Variants in CYP3A43 observed in about 807,000 individuals in gnomAD.
CYP3A43 encodes the protein cytochrome P450 family 3 subfamily A member 43.
A neutral mutation model predicts 58.0 loss-of-function variants in CYP3A43; 45 were observed. That is an observed-to-expected ratio of 0.78 (90% confidence interval 0.61 to 0.99). The LOEUF (loss-of-function observed/expected upper bound fraction) is 0.99, where lower values mean the gene tolerates loss of function less well. Ranked by LOEUF, CYP3A43 falls within the 50% of genes least tolerant of loss-of-function variation. The pLI, the probability that CYP3A43 is intolerant of heterozygous loss-of-function variation, is 0.00. For synonymous variants in CYP3A43, 191 were observed against 201.4 expected (o/e 0.95, Z 0.44); for missense variants, 593 against 591.9 (o/e 1.00, Z -0.02).
intron 8 of CYP3A43, 87 bp downstream of exon 8, chr7:99,855,805 G>GT (rs1205120890): frequency 7.1e-7 from 1 of 1,413,930 alleles, no homozygotes; most frequent in South Asian, 1.4e-5. Flanking sequence ...ACTTATCTGT[G>GT]TTTTTTAAAG....
Position 99,844,251 on chromosome 7 carries a change from A to G in CYP3A43, c.318+9A>G. On this transcript the variant is annotated intron_variant, in intron 4 of 12. Coordinates refer to ENST00000354829, the MANE Select transcript of CYP3A43 (RefSeq NM_057095.3). Reference sequence around the variant, plus strand: ...TCTTCACAAACCAGATGGTAGGCCTATATTTTCAAATGTATTAATCAAATT... The same window carrying G: ...TCTTCACAAACCAGATGGTAGGCCTGTATTTTCAAATGTATTAATCAAATT... The G allele has an allele frequency of 6.2e-7, 1 of 1,608,488 alleles. No homozygotes were observed. The highest frequency in any genetic ancestry group is 2.2e-5 in the East Asian group (1 of 44,862).
chr7:99,833,989 G>C (rs1242384305), intron 1 of CYP3A43, among the ~76,000 whole-genome samples: 1 of 152,178 alleles, frequency 6.6e-6, no homozygotes, highest in Non-Finnish European at 1.5e-5. Context: ...GTCTGAACTA[G>C]AACATGTGCC....
chr7:99,856,746 A>G, intron 8 of CYP3A43, 87 bp from the exon 9 acceptor site: 1 of 1,363,112 alleles, frequency 7.3e-7, no homozygotes, highest in Non-Finnish European at 1.0e-6. Context: ...GCATATTCTC[A>G]GGAGGGGTGC....
intron 8 of CYP3A43, among the ~76,000 whole-genome samples, chr7:99,856,337 T>C (rs908718799): frequency 6.6e-6 from 1 of 152,188 alleles, no homozygotes; most frequent in Non-Finnish European, 1.5e-5. Context: ...AATGCAGGAC[T>C]GGGTCCCCTA....
chr7:99,828,848 A>G (rs1220644480), intron 1 of CYP3A43, among the ~76,000 whole-genome samples: 1 of 152,154 alleles, frequency 6.6e-6, no homozygotes, highest in Non-Finnish European at 1.5e-5. Flanking sequence ...AAAGAATGCA[A>G]TTGTCTTGAG....
At chr7:99,841,745 G>A (rs1201780121) in intron 3 of CYP3A43, among the ~76,000 whole-genome samples, 1 of 152,010 alleles carries the variant, frequency 6.6e-6, no homozygotes, top group African/African-American at 2.4e-5. Flanking sequence ...TACCCAGGTT[G>A]GTGCAGTGGC....
chr7:99,844,615 G>A (rs1224790602), intron 4 of CYP3A43, among the ~76,000 whole-genome samples: 1 of 152,186 alleles, frequency 6.6e-6, no homozygotes, highest in Admixed American at 6.5e-5. Context: ...GTTACTATGT[G>A]TAGCTTGTCT....
At chr7:99,860,727 C>T (rs1019359054) in intron 10 of CYP3A43, among the ~76,000 whole-genome samples, 4 of 152,096 alleles carry the variant, frequency 2.6e-5, no homozygotes, top group African/African-American at 9.7e-5. Flanking sequence ...TGGGGCTGCC[C>T]GGAGGGTTCC....
chr7:99,854,228 ATT>A (rs34870860), intron 7 of CYP3A43, among the ~76,000 whole-genome samples: 7 of 140,034 alleles, frequency 5.0e-5, no homozygotes, highest in South Asian at 2.3e-4. Context: ...AGTTTTGATA[ATT>A]TTTTTTTTTT....
At chr7:99,828,609 G>A (rs986105961) in intron 1 of CYP3A43, among the ~76,000 whole-genome samples, 3 of 152,088 alleles carry the variant, frequency 2.0e-5, no homozygotes, top group East Asian at 1.9e-4. Context: ...TTCAGTGAGC[G>A]GAGATTGCAC....
At position 99,863,796 on chromosome 7, in the gene CYP3A43, C is replaced by T. The variant is rs1379737208; in HGVS notation, c.1416+97C>T. 10 of 1,030,838 alleles carry T rather than the reference C, an allele frequency of 9.7e-6. No homozygotes were observed. In the South Asian group the frequency reaches 1.8e-4, roughly 19 times the overall value. The allele number at this position is 1,030,838 out of a possible 1,614,324, so 63.9% of individuals were successfully genotyped here. A position where few individuals can be genotyped will look rare whatever the true frequency, so the allele number is the denominator to read the frequency against. The stretch of plus-strand genomic sequence containing the variant: ...TTATTGTTCATTTTTCAATAATTTG[C>T]TCTGTAGGACAAAGAATCTAATTGG... On this transcript the variant is annotated intron_variant, in intron 12 of 12. Coordinates refer to ENST00000354829, the MANE Select transcript of CYP3A43 (RefSeq NM_057095.3).
At chr7:99,864,821 C>G (rs1185510871) in intron 12 of CYP3A43, among the ~76,000 whole-genome samples, 2 of 148,296 alleles carry the variant, frequency 1.3e-5, no homozygotes, top group Non-Finnish European at 2.9e-5. Flanking sequence ...GTGTGTATGT[C>G]TGTCTGCAGG....
intron 8 of CYP3A43, among the ~76,000 whole-genome samples, chr7:99,856,021 A>G (rs1198513903): frequency 6.6e-6 from 1 of 152,246 alleles, no homozygotes; most frequent in Admixed American, 6.5e-5. Context: ...ATTTGACTGT[A>G]TAAAGTTGCC....
intron 1 of CYP3A43, 56 bp from the exon 2 acceptor site, chr7:99,836,397 C>A: frequency 1.4e-6 from 2 of 1,446,872 alleles, no homozygotes; most frequent in African/African-American, 1.4e-5. Context: ...GTCTGGCCAA[C>A]CCCTTATCTA....
intron 11 of CYP3A43, among the ~76,000 whole-genome samples, chr7:99,862,142 C>T (rs992451599): frequency 6.6e-6 from 1 of 152,064 alleles, no homozygotes; most frequent in Non-Finnish European, 1.5e-5. Flanking sequence ...CAAAGTAAAC[C>T]ATTACCTATC....
intron 2 of CYP3A43, chr7:99,838,542 G>A: frequency 1.7e-6 from 1 of 575,732 alleles, no homozygotes; most frequent in Non-Finnish European, 2.5e-6. Flanking sequence ...AAACACATCA[G>A]AAAGACAATG....
At chr7:99,855,785 C>A (rs182883524) in intron 8 of CYP3A43, 67 bp downstream of exon 8, 2 of 1,493,914 alleles carry the variant, frequency 1.3e-6, no homozygotes, top group Non-Finnish European at 1.8e-6. Context: ...TGTTTACATA[C>A]GATTTGTGCA....
chr7:99,865,984 A>G lies in CYP3A43; in HGVS notation c.1495A>G (p.Ile499Val). ...IVLKVHLRDGITSGP is the reference protein window; with the variant it reads ...IVLKVHLRDGVTSGP ...TCTAAAAGTGCACTTAAGAGATGGGATTACAAGTGGACCCTGACTTTCCCT... is the reference window on the plus strand; with the variant it reads ...TCTAAAAGTGCACTTAAGAGATGGGGTTACAAGTGGACCCTGACTTTCCCT... Residue 499 changes from isoleucine (I) to valine (V), a missense_variant, in exon 13 of 13, where the codon ATT becomes GTT. Transcript: ENST00000354829. The G allele has an allele frequency of 6.2e-7, 1 of 1,603,770 alleles. No homozygotes were observed. The highest frequency in any genetic ancestry group is 1.3e-5 in the African/African-American group (1 of 74,718).
chr7:99,839,169 G>A lies in CYP3A43; in HGVS notation c.215G>A (p.Trp72Ter), dbSNP rs201708823. The change falls in exon 3 of 13, where the codon TGG becomes TAG. Residue 72 changes from tryptophan to a stop codon, truncating the protein, a stop_gained. Transcript: ENST00000354829. LOFTEE classifies it high-confidence loss of function. ...RECNEKYGEM[W>*]GLYEGQQPML... ...TGTAATGAAAAATACGGAGAAATGT[G>A]GGGGTGAGTATTCTGGAAACTTGCA... 1 of 1,614,026 alleles carries A rather than the reference G, an allele frequency of 6.2e-7. No individual in the cohort carries two copies. Among genetic ancestry groups the A allele is most frequent in the African/African-American group, 1.3e-5 (1 of 74,906 alleles).
Sources: allele counts gnomAD v4.1 joint callset (sites outside exome capture counted in the v4.1 genomes callset), GRCh38; gene constraint gnomAD v4.1.1; transcripts MANE v1.5; gene names NCBI Gene and HGNC (gene_info 2026-07-23, HGNC 2026-07-21).